The following ATP2B2 variants were observed in gnomAD, a reference collection of about 807,000 sequenced individuals.
ATP2B2 encodes plasma membrane calcium-transporting ATPase 2.
A neutral mutation model predicts 120.0 loss-of-function variants in ATP2B2; 15 were observed. That is an observed-to-expected ratio of 0.12 (90% CI 0.08 to 0.19). The LOEUF (loss-of-function observed/expected upper bound fraction) is 0.19. ATP2B2 is among the 10% of genes least tolerant of loss of function. ATP2B2 has a pLI of 1.00. For missense variants in ATP2B2, 1,045 were observed against 1,719.8 expected, an observed-to-expected ratio of 0.61 and a Z score of 6.94; for synonymous variants, 694 against 700.3, an observed-to-expected ratio of 0.99 and a Z score of 0.14.
intron 2 of ATP2B2, among the ~76,000 whole-genome samples, chr3:10,615,370 C>T (rs2069357424): frequency 6.6e-6 from 1 of 152,142 alleles, no homozygotes; most frequent in African/African-American, 2.4e-5. Flanking sequence ...AGATAGAAGA[C>T]AATGACAGTC....
At chr3:10,512,874 C>T (rs4684704) in intron 3 of ATP2B2, among the ~76,000 whole-genome samples, 38,440 of 152,116 alleles carry the variant, frequency 0.25, 5,309 homozygotes, top group South Asian at 0.4. Context: ...CCTGCTTTAC[C>T]GTGATGGGCT....
At chr3:10,349,449 T>G (rs2060516439) in intron 16 of ATP2B2, among the ~76,000 whole-genome samples, 1 of 152,052 alleles carries the variant, frequency 6.6e-6, no homozygotes. Context: ...AGGGAGACCC[T>G]GTCTCAAATA....
intron 5 of ATP2B2, among the ~76,000 whole-genome samples, chr3:10,398,445 C>T (rs61157628): frequency 0.011 from 1,716 of 152,334 alleles, 35 homozygotes; most frequent in African/African-American, 0.039. Flanking sequence ...GCAGTCACCC[C>T]TTTCTCATCT....
At chr3:10,486,324 CGTGTGTGTGTGT>C (rs1553616064) in intron 1 of ATP2B2, among the ~76,000 whole-genome samples, 72 of 117,172 alleles carry the variant, frequency 6.1e-4, no homozygotes, top group African/African-American at 1.8e-3. Flanking sequence ...TGTGTGCGTG[CGTGTGTGTGTGT>C]GTGTGTGTGT....
intron 5 of ATP2B2, among the ~76,000 whole-genome samples, chr3:10,390,412 A>G (rs1042501244): frequency 1.3e-5 from 2 of 151,896 alleles, no homozygotes; most frequent in Admixed American, 6.6e-5. Flanking sequence ...AAGTGGTATC[A>G]CCCACCTTGT....
Position 10,360,139 on chromosome 3 carries a change from G to A in ATP2B2, c.1660-16C>T. ...TCTCTGGGGGCTGCAGAGAGAGGAA[G>A]GAGCGGCTGGCACCTGGTGGGGCCT... On this transcript the variant is annotated splice_polypyrimidine_tract_variant and intron_variant, in intron 12 of 22. Transcript: ENST00000360273. 1.3e-6 allele frequency: 2 copies of A among 1,572,184 alleles called. No homozygotes were observed. Among genetic ancestry groups the A allele is most frequent in the South Asian group, 1.2e-5 (1 of 86,284 alleles).
chr3:10,646,185 C>T (rs759161825), intron 1 of ATP2B2, among the ~76,000 whole-genome samples: 5 of 152,228 alleles, frequency 3.3e-5, no homozygotes, highest in Non-Finnish European at 7.3e-5. Flanking sequence ...ATGGCCTTCC[C>T]TAAATCGCTA....
chr3:10,348,144 C>G (rs1428937729), intron 16 of ATP2B2, among the ~76,000 whole-genome samples: 1 of 152,116 alleles, frequency 6.6e-6, no homozygotes, highest in East Asian at 1.9e-4. Context: ...CCTCCTCGCT[C>G]GATGTCCAAT....
chr3:10,545,209 G>A (rs184967797), intron 2 of ATP2B2, among the ~76,000 whole-genome samples: 22 of 152,240 alleles, frequency 1.4e-4, no homozygotes, highest in African/African-American at 4.1e-4. Flanking sequence ...AATAATATGC[G>A]TTGTAAGCAT....
intron 2 of ATP2B2, among the ~76,000 whole-genome samples, chr3:10,569,488 C>T (rs1204250399): frequency 5.3e-5 from 8 of 152,154 alleles, no homozygotes; most frequent in East Asian, 1.9e-4. Context: ...CTAGATGGCA[C>T]CCTGACCAGT....
intron 2 of ATP2B2, among the ~76,000 whole-genome samples, chr3:10,421,185 G>A (rs1285508911): frequency 2.6e-5 from 4 of 152,204 alleles, no homozygotes; most frequent in Non-Finnish European, 4.4e-5. Flanking sequence ...CCTAATACTT[G>A]CCAGGTGCTT....
At chr3:10,403,896 C>T (rs1239497252) in intron 3 of ATP2B2, among the ~76,000 whole-genome samples, 3 of 152,230 alleles carry the variant, frequency 2.0e-5, no homozygotes, top group African/African-American at 7.2e-5. Context: ...CCTAGCAGCC[C>T]CCTCTGCCAT....
chr3:10,440,181 C>T (rs1346732541), intron 2 of ATP2B2, among the ~76,000 whole-genome samples: 1 of 150,976 alleles, frequency 6.6e-6, no homozygotes, highest in Non-Finnish European at 1.5e-5. Context: ...CCCCAGAGTC[C>T]CATCCATTCA....
intron 2 of ATP2B2, among the ~76,000 whole-genome samples, chr3:10,445,756 CAG>C (rs1284619570): frequency 6.6e-6 from 1 of 152,212 alleles, no homozygotes; most frequent in Non-Finnish European, 1.5e-5. Flanking sequence ...CAGTGTGACT[CAG>C]AGGCCAGCTC....
At chr3:10,532,383 TTTG>T (rs1387476727) in intron 3 of ATP2B2, among the ~76,000 whole-genome samples, 1 of 152,252 alleles carries the variant, frequency 6.6e-6, no homozygotes, top group African/African-American at 2.4e-5. Context: ...ATGATGCATC[TTTG>T]TTATTATATA....
intron 12 of ATP2B2, among the ~76,000 whole-genome samples, chr3:10,371,370 A>C (rs1469081334): frequency 1.3e-5 from 2 of 152,268 alleles, no homozygotes; most frequent in Non-Finnish European, 2.9e-5. Flanking sequence ...GGAGATGTCC[A>C]CATGAACCCC....
Position 10,684,848 on chromosome 3 carries a change from T to C in ATP2B2, c.-460+23067A>G, listed in dbSNP as rs116754062. 6.1e-3 allele frequency among the ~76,000 whole-genome samples: 931 copies of C among 152,356 alleles called. 7 individuals are homozygous for C. Among genetic ancestry groups the C allele is most frequent in the African/African-American group, 0.022 (898 of 41,584 alleles). On this transcript the variant is annotated intron_variant, in intron 1 of 21. Coordinates refer to the ATP2B2 transcript ENST00000646379. ...ATCTTTGCCAATTGGATGGCTATTT[T>C]ACTCGAGACAATGATAAAATCAAGA...
chr3:10,606,193 A>T (rs140901153), intron 2 of ATP2B2, among the ~76,000 whole-genome samples: 2 of 152,148 alleles, frequency 1.3e-5, no homozygotes, highest in African/African-American at 4.8e-5. Flanking sequence ...TCAGTGTTCA[A>T]TCTGGGCTCT....
chr3:10,650,614 AT>A (rs1263060929), intron 1 of ATP2B2, among the ~76,000 whole-genome samples: 4 of 152,246 alleles, frequency 2.6e-5, no homozygotes, highest in African/African-American at 9.6e-5. Flanking sequence ...TCTCCAGGAC[AT>A]GTTGGAGGTC....
Sources: allele counts gnomAD v4.1 joint callset (sites outside exome capture counted in the v4.1 genomes callset), GRCh38; gene constraint gnomAD v4.1.1; transcripts MANE v1.5; gene names NCBI Gene and HGNC (gene_info 2026-07-23, HGNC 2026-07-21).